Variants in LRRC9 observed in about 807,000 individuals in gnomAD.
LRRC9 encodes leucine-rich repeat-containing protein 9.
Under a neutral mutation model 63.2 loss-of-function variants are expected in LRRC9, and 122 were observed. That is an observed-to-expected ratio of 1.93 (90% CI 1.67 to 2.24). The LOEUF is 2.24. Among genes scored for constraint, LRRC9 ranks in the 30% most tolerant of loss-of-function variants. LRRC9 has a pLI of 0.00. For synonymous variants in LRRC9, 366 were observed against 213.1 expected, an observed-to-expected ratio of 1.72 and a Z score of -6.25; for missense variants, 1,071 against 627.7, an observed-to-expected ratio of 1.71 and a Z score of -7.55.
At chr14:59,939,126 A>C (rs1311779526) in intron 7 of LRRC9, among the ~76,000 whole-genome samples, 3 of 143,836 alleles carry the variant, frequency 2.1e-5, no homozygotes, top group African/African-American at 7.7e-5. Context: ...CATATATATA[A>C]ATTAAAGCTT....
At chr14:60,037,206 A>T (rs1224505133) in intron 29 of LRRC9, among the ~76,000 whole-genome samples, 1 of 152,206 alleles carries the variant, frequency 6.6e-6, no homozygotes, top group Non-Finnish European at 1.5e-5. Flanking sequence ...TGCTATTGTG[A>T]ATAGTGCCAC....
At chr14:59,959,698 T>G (rs2139963783) in intron 8 of LRRC9, 120 bp from the exon 9 acceptor site, 1 of 491,762 alleles carries the variant, frequency 2.0e-6, no homozygotes, top group East Asian at 3.2e-5. Flanking sequence ...GATTTCCACT[T>G]TGTTCATTTA....
rs759126837 is a variant in LRRC9, at chr14:60,051,818, T to C, written c.3991-1247T>C. Among the ~76,000 whole-genome samples, 1 of 152,184 alleles carries C rather than the reference T, an allele frequency of 6.6e-6. No individual in the cohort carries two copies. Reference sequence around the variant, plus strand: ...TATCAGACCCAAAGCCCTGGAGACATGGGCTCACAAGGGGATCTCCCAATT... The same window carrying C: ...TATCAGACCCAAAGCCCTGGAGACACGGGCTCACAAGGGGATCTCCCAATT... On this transcript the variant is annotated intron_variant, in intron 29 of 31. Transcript: ENST00000445360. The surrounding 1 kb of genome is among the most constrained non-coding windows in gnomAD (Gnocchi z 4.7).
rs756394966 is a variant in LRRC9 at position 59,930,624 on chromosome 14, AATC to A, written c.268-291_268-289del. Among the ~76,000 whole-genome samples the A allele has an allele frequency of 1.5e-3, 225 of 151,980 alleles. No homozygotes were observed. Among genetic ancestry groups the A allele is most frequent in the South Asian group, 3.1e-3 (15 of 4,822 alleles). ...ATCATAATCATTTCTATATGATTAT[AATC>A]ATAACCATATAGAAATATGATATGT... On this transcript the variant is annotated intron_variant, in intron 3 of 31. Coordinates refer to ENST00000445360, the Ensembl canonical transcript of LRRC9. This position sits in a 1 kb window ranked among gnomAD's most constrained non-coding sequence, Gnocchi z 4.9.
rs1884685870 is a variant in LRRC9 at position 59,964,963 on chromosome 14, C to T, written c.1212-1626C>T. Among the ~76,000 whole-genome samples, 2 of 152,184 alleles carry T rather than the reference C, an allele frequency of 1.3e-5. No individual in the cohort carries two copies. On this transcript the variant is annotated intron_variant, in intron 10 of 31. Transcript: ENST00000445360. The surrounding 1 kb of genome is among the most constrained non-coding windows in gnomAD (Gnocchi z 4.4). ...AAATATAGATGCCCTAAGTTAGGAG[C>T]TCAGCTATTAGGCTCAAGGAGAGAC...
At chr14:60,047,601 A>T (rs1172894928) in intron 29 of LRRC9, among the ~76,000 whole-genome samples, 1 of 152,240 alleles carries the variant, frequency 6.6e-6, no homozygotes, top group Admixed American at 6.5e-5. Flanking sequence ...AGAGCTAACT[A>T]TCCTAAATAT....
rs1419306750 is a variant in LRRC9 at position 59,942,236 on chromosome 14, A to G, written c.727-2353A>G. The stretch of plus-strand genomic sequence containing the variant: ...TATATATATTACATTTTCTTTATCC[A>G]TTCACCTGTTGATGGCATTTAGGTT... On this transcript the variant is annotated intron_variant, in intron 7 of 31. Coordinates refer to ENST00000445360, the Ensembl canonical transcript of LRRC9. The surrounding 1 kb of genome is among the most constrained non-coding windows in gnomAD (Gnocchi z 5.3). Among the ~76,000 whole-genome samples, 1 of 152,072 alleles carries G rather than the reference A, an allele frequency of 6.6e-6. No individual in the cohort carries two copies. The highest frequency in any genetic ancestry group is 1.9e-4 in the East Asian group (1 of 5,194).
chr14:60,003,217 G>T lies in LRRC9; in HGVS notation c.2665-404G>T, dbSNP rs1269892672. On this transcript the variant is annotated intron_variant, in intron 20 of 31. Transcript: ENST00000445360. This position sits in a 1 kb window ranked among gnomAD's most constrained non-coding sequence, Gnocchi z 4.2. The stretch of plus-strand genomic sequence containing the variant: ...GCCCTTTAAATTTGTCCTAAGTTGG[G>T]CTGAGATGGTCAGGCCTTTATAGGC... Among the ~76,000 whole-genome samples, 2 of 152,220 alleles carry T rather than the reference G, an allele frequency of 1.3e-5. No homozygotes were observed. Among genetic ancestry groups the T allele is most frequent in the African/African-American group, 4.8e-5 (2 of 41,466 alleles).
chr14:60,012,578 A>C lies in LRRC9; in HGVS notation c.3187-4082A>C, dbSNP rs1595023211. ...ATGACTTACCAGTTTAATTTAGATCAAGTTCAAACCATTTGTCTGAAATAG... is the reference window on the plus strand; with the variant it reads ...ATGACTTACCAGTTTAATTTAGATCCAGTTCAAACCATTTGTCTGAAATAG... On this transcript the variant is annotated intron_variant, in intron 23 of 31. Transcript: ENST00000445360. Among the ~76,000 whole-genome samples, 2 of 152,388 alleles carry C rather than the reference A, an allele frequency of 1.3e-5. 1 individual carries two copies. The highest frequency in any genetic ancestry group is 3.9e-4 in the East Asian group (2 of 5,194).
chr14:59,977,887 G>GA (rs1594924479), intron 14 of LRRC9, 130 bp from the exon 15 acceptor site: 1 of 501,078 alleles, frequency 2.0e-6, no homozygotes, highest in East Asian at 3.1e-5. Context: ...AAAAATGAAA[G>GA]AAAAAATCTT....
rs1260457998 is a variant in LRRC9, at chr14:59,991,618, T to A, written c.2212-6038T>A. Reference sequence around the variant, plus strand: ...CTGGAAAATCGAGTCACTCCCACCCTAATATTGCACTTTTCCAATGGTCTT... The same window carrying A: ...CTGGAAAATCGAGTCACTCCCACCCAAATATTGCACTTTTCCAATGGTCTT... On this transcript the variant is annotated intron_variant, in intron 17 of 31. Coordinates refer to ENST00000445360, the Ensembl canonical transcript of LRRC9. Among the ~76,000 whole-genome samples, 5 of 152,234 alleles carry A rather than the reference T, an allele frequency of 3.3e-5. No homozygotes were observed. The South Asian group carries it at 1.0e-3, about 32-fold the overall frequency.
At chr14:59,994,178 A>C (rs77969114) in intron 17 of LRRC9, among the ~76,000 whole-genome samples, 3 of 152,152 alleles carry the variant, frequency 2.0e-5, no homozygotes, top group Non-Finnish European at 4.4e-5. Context: ...AGAAAAAAAA[A>C]CCCCATCAAA....
chr14:59,946,247 G>A (rs1325236240), intron 8 of LRRC9, among the ~76,000 whole-genome samples: 1 of 150,656 alleles, frequency 6.6e-6, no homozygotes, highest in East Asian at 1.9e-4. Context: ...AAAGTGAGCA[G>A]TTCTTATTAT....
chr14:59,953,183 A>C (rs1219249568), intron 8 of LRRC9, among the ~76,000 whole-genome samples: 1 of 152,212 alleles, frequency 6.6e-6, no homozygotes, highest in Non-Finnish European at 1.5e-5. Context: ...CAGTAATGGG[A>C]TTGCTGGGTC....
rs963493547 is a variant in LRRC9 at position 60,031,736 on chromosome 14, G to C, written c.3922-259G>C. ...AATCATAATTCTGAGAAAAAAATTT[G>C]ATCTTTTCTTGCAAGTGCTGCTATA... On this transcript the variant is annotated intron_variant, in intron 28 of 31. Transcript: ENST00000445360. This position sits in a 1 kb window ranked among gnomAD's most constrained non-coding sequence, Gnocchi z 4.6. Among the ~76,000 whole-genome samples, 1 of 151,998 alleles carries C rather than the reference G, an allele frequency of 6.6e-6. No individual in the cohort carries two copies. Among genetic ancestry groups the C allele is most frequent in the Non-Finnish European group, 1.5e-5 (1 of 67,928 alleles).
chr14:60,030,984 A>G (rs868328107), intron 28 of LRRC9, among the ~76,000 whole-genome samples: 2 of 152,066 alleles, frequency 1.3e-5, no homozygotes, highest in Non-Finnish European at 2.9e-5. Context: ...ATTTTCTGTG[A>G]AAAACAGACA....
chr14:60,034,726 T>C (rs1892289186), intron 29 of LRRC9, among the ~76,000 whole-genome samples: 1 of 152,208 alleles, frequency 6.6e-6, no homozygotes. Context: ...CTATACTATA[T>C]TTTCTTTATC....
At chr14:59,937,195 T>TA (rs755193026) in intron 6 of LRRC9, among the ~76,000 whole-genome samples, 1,132 of 89,364 alleles carry the variant, frequency 0.013, 11 homozygotes, top group East Asian at 0.063. Flanking sequence ...ATGTTTTCTG[T>TA]AAAAAAAAAA....
intron 16 of LRRC9, among the ~76,000 whole-genome samples, chr14:59,982,661 C>T (rs1887057526): frequency 6.6e-6 from 1 of 152,176 alleles, no homozygotes; most frequent in Non-Finnish European, 1.5e-5. Context: ...TTGGGGGACA[C>T]ATTGAAACTA....
Sources: allele counts gnomAD v4.1 joint callset (sites outside exome capture counted in the v4.1 genomes callset), GRCh38; gene constraint gnomAD v4.1.1; non-coding constraint Gnocchi (gnomAD v3.1); transcripts MANE v1.5; gene names NCBI Gene and HGNC (gene_info 2026-07-23, HGNC 2026-07-21).